ADGRG5: variants seen among roughly 807,000 people sequenced by gnomAD.
ADGRG5 encodes the protein G protein-coupled receptor 114.
In ADGRG5, 37 loss-of-function variants were observed where a neutral mutation model predicts 53.2. That is an observed-to-expected ratio of 0.70 (90% CI 0.53 to 0.91). ADGRG5 has a LOEUF of 0.91. Among genes scored for constraint, ADGRG5 ranks in the 40% least tolerant of loss-of-function variants. ADGRG5 has a pLI of 0.00. For synonymous variants in ADGRG5, 277 were observed against 290.4 expected, an observed-to-expected ratio of 0.95 and a Z score of 0.47; for missense variants, 614 against 675.8, an observed-to-expected ratio of 0.91 and a Z score of 1.01.
chr16:57,553,563 C>T (rs1485433015), intron 1 of ADGRG5, among the ~76,000 whole-genome samples: 5 of 152,230 alleles, frequency 3.3e-5, no homozygotes, highest in Admixed American at 6.5e-5. Context: ...GCCAGTAACA[C>T]ACTGTCTTGA....
chr16:57,563,886 G>T lies in ADGRG5; in HGVS notation c.336G>T (p.Gln112His), dbSNP rs1403689631. 6.2e-7 allele frequency: 1 copy of T among 1,614,040 alleles called. No individual in the cohort carries two copies. Among genetic ancestry groups the T allele is most frequent in the East Asian group, 2.2e-5 (1 of 44,870 alleles). Residue 112 changes from glutamine (Q) to histidine (H), a missense_variant, in exon 5 of 12, where the codon CAG becomes CAT. Transcript: ENST00000349457. ...GQHARGQHAM[Q>H]FPAELTRDAC... Reference sequence around the variant, plus strand: ...ATGCCCGGGGTCAGCACGCCATGCAGTTCCCCGCCGAGCTGACCCGGGACG... The same window carrying T: ...ATGCCCGGGGTCAGCACGCCATGCATTTCCCCGCCGAGCTGACCCGGGACG...
chr16:57,567,404 C>G, intron 7 of ADGRG5, 66 bp from the exon 8 acceptor site: 1 of 1,574,196 alleles, frequency 6.4e-7, no homozygotes, highest in Non-Finnish European at 8.6e-7. Flanking sequence ...GGAGGTCCCT[C>G]TGACTGAGGC....
chr16:57,569,544 T>C (rs1466975464), intron 9 of ADGRG5, among the ~76,000 whole-genome samples: 10 of 134,172 alleles, frequency 7.5e-5, no homozygotes, highest in East Asian at 2.5e-4. Context: ...CCTCCACCTC[T>C]ATCATCACCA....
At chr16:57,551,669 G>A (rs192875641) in intron 1 of ADGRG5, among the ~76,000 whole-genome samples, 30 of 152,224 alleles carry the variant, frequency 2.0e-4, no homozygotes, top group South Asian at 6.2e-4. Context: ...CCTCAAAGTC[G>A]TCCATGAAGC....
intron 4 of ADGRG5, 52 bp from the exon 5 acceptor site, chr16:57,563,796 G>T: frequency 1.2e-6 from 2 of 1,610,396 alleles, no homozygotes; most frequent in Non-Finnish European, 1.7e-6. Flanking sequence ...AGGTGTTGGG[G>T]TCAGGTCTCC....
chr16:57,537,763 A>C (rs1478642859), upstream of ADGRG5, among the ~76,000 whole-genome samples: 2 of 151,878 alleles, frequency 1.3e-5, no homozygotes, highest in Non-Finnish European at 2.9e-5. Flanking sequence ...ATGAAATCCC[A>C]TACGTTGCAA....
At chr16:57,549,959 C>T (rs1365294469) in intron 1 of ADGRG5, among the ~76,000 whole-genome samples, 5 of 151,010 alleles carry the variant, frequency 3.3e-5, no homozygotes, top group Non-Finnish European at 5.9e-5. Flanking sequence ...GAGTGTTTCT[C>T]ATGTGCTTAT....
At chr16:57,532,742 GAC>G in the ADGRG5 span, among the ~76,000 whole-genome samples, 1 of 150,076 alleles carries the variant, frequency 6.7e-6, no homozygotes, top group Non-Finnish European at 1.5e-5. Context: ...CACAGAGGCA[GAC>G]ACACACACTC....
At chr16:57,569,627 C>CCTCCAT (rs2033283925) in intron 9 of ADGRG5, among the ~76,000 whole-genome samples, 1 of 151,242 alleles carries the variant, frequency 6.6e-6, no homozygotes. Flanking sequence ...GCCATCATCA[C>CCTCCAT]CTCCTCCACC....
chr16:57,569,155 ACCT>A (rs2033251480), intron 9 of ADGRG5, among the ~76,000 whole-genome samples: 2 of 143,690 alleles, frequency 1.4e-5, no homozygotes, highest in African/African-American at 5.2e-5. Flanking sequence ...CTCCATCACC[ACCT>A]CCTCCACCTT....
chr16:57,533,982 G>A, the ADGRG5 span, among the ~76,000 whole-genome samples: 7 of 152,190 alleles, frequency 4.6e-5, no homozygotes, highest in African/African-American at 1.4e-4. Context: ...CACAGGCCCC[G>A]GGGAGCCTTT....
upstream of ADGRG5, among the ~76,000 whole-genome samples, chr16:57,541,307 G>A (rs1170602755): frequency 6.6e-6 from 1 of 152,226 alleles, no homozygotes; most frequent in Non-Finnish European, 1.5e-5. Flanking sequence ...GAAGGAGGAG[G>A]TTGGCATGGC....
At chr16:57,568,600 A>T (rs1266367304) in intron 9 of ADGRG5, among the ~76,000 whole-genome samples, 19 of 134,202 alleles carry the variant, frequency 1.4e-4, no homozygotes, top group African/African-American at 4.0e-4. Context: ...CATCATCACC[A>T]TCATCATCAC....
intron 1 of ADGRG5, among the ~76,000 whole-genome samples, chr16:57,544,229 G>T (rs550714480): frequency 6.6e-6 from 1 of 152,148 alleles, no homozygotes; most frequent in Non-Finnish European, 1.5e-5. Context: ...CTCCTCTTAC[G>T]CAGTATTCGG....
chr16:57,533,337 C>T, the ADGRG5 span, among the ~76,000 whole-genome samples: 3 of 151,986 alleles, frequency 2.0e-5, no homozygotes, highest in Non-Finnish European at 4.4e-5. Flanking sequence ...CACCCCGCCC[C>T]CAGCACACCA....
the ADGRG5 span, among the ~76,000 whole-genome samples, chr16:57,535,732 T>G: frequency 2.6e-4 from 40 of 151,288 alleles, no homozygotes; most frequent in African/African-American, 7.8e-4. Context: ...CTGTGTGATA[T>G]CTGCAAGTCC....
At chr16:57,564,787 T>C (rs910831166) in intron 5 of ADGRG5, among the ~76,000 whole-genome samples, 2 of 151,996 alleles carry the variant, frequency 1.3e-5, no homozygotes, top group Admixed American at 6.6e-5. Context: ...GGCGTGAGGC[T>C]GGAATGCATT....
chr16:57,567,639 A>G (rs768089549), intron 8 of ADGRG5, 48 bp downstream of exon 8: 15 of 1,592,314 alleles, frequency 9.4e-6, no homozygotes, highest in East Asian at 2.2e-5. Context: ...GTGGCACATC[A>G]CGCTTCCTTG....
chr16:57,557,217 C>T (rs1458005724), intron 1 of ADGRG5, among the ~76,000 whole-genome samples: 2 of 152,006 alleles, frequency 1.3e-5, no homozygotes, highest in African/African-American at 4.8e-5. Flanking sequence ...ACCTTGTCTT[C>T]GTTTTTGAAA....
Sources: allele counts gnomAD v4.1 joint callset (sites outside exome capture counted in the v4.1 genomes callset), GRCh38; gene constraint gnomAD v4.1.1; transcripts MANE v1.5; gene names NCBI Gene and HGNC (gene_info 2026-07-23, HGNC 2026-07-21).